Variants in DACH2 observed in about 807,000 individuals in gnomAD.
The protein encoded by DACH2 is dachshund family transcription factor 2.
DACH2 carries 17 observed loss-of-function variants against 35.8 expected under a neutral mutation model. That is an observed-to-expected ratio of 0.48 (90% CI 0.33 to 0.71). The LOEUF is 0.71. DACH2 is among the 30% of genes least tolerant of loss of function. The pLI is 0.02. For synonymous variants in DACH2, 195 were observed against 177.3 expected, an observed-to-expected ratio of 1.10 and a Z score of -0.79; for missense variants, 469 against 472.7, an observed-to-expected ratio of 0.99 and a Z score of 0.07.
At chrX:86,220,184 A>T (rs997048408) in intron 1 of DACH2, among the ~76,000 whole-genome samples, 1 of 103,568 alleles carries the variant, frequency 9.7e-6, no homozygotes, top group Non-Finnish European at 2.0e-5. Flanking sequence ...AAAAAAAAAA[A>T]AAAAAAATTT....
chrX:86,689,886 G>A (rs1043181588), intron 4 of DACH2, among the ~76,000 whole-genome samples: 2 of 111,485 alleles, frequency 1.8e-5, no homozygotes, highest in Non-Finnish European at 3.8e-5. Context: ...TGCTACTATA[G>A]TATTCCTCTA....
At chrX:86,348,568 C>T (rs776070935) in intron 1 of DACH2, among the ~76,000 whole-genome samples, 6 of 111,037 alleles carry the variant, frequency 5.4e-5, no homozygotes, top group Non-Finnish European at 1.1e-4. Context: ...TTCATATTTG[C>T]TAAATTTGTT....
rs1052926913 is a variant in DACH2, at chrX:86,651,059, G to A, written c.664G>A (p.Glu222Lys). 6.6e-6 allele frequency: 8 copies of A among 1,205,425 alleles called. No individual in the cohort carries two copies. The African/African-American group carries it at 1.4e-4, about 21-fold the overall frequency. The change falls in exon 4 of 12, where the codon GAG becomes AAG. Residue 222 changes from glutamate to lysine, a missense_variant. By Grantham distance (56) the Glu-to-Lys change is moderately conservative (BLOSUM62 1). Transcript: ENST00000373125. Reference protein sequence around the residue: ...PTGITAAAMAEAMKLQKMKLM... With the variant: ...PTGITAAAMAKAMKLQKMKLM... ...AGGTATAACAGCTGCAGCGATGGCT[G>A]AGGCGATGAAACTTCAGAAGATGAA...
At chrX:86,529,946 TACACACAC>T (rs779572561) in intron 3 of DACH2, among the ~76,000 whole-genome samples, 10 of 79,194 alleles carry the variant, frequency 1.3e-4, no homozygotes, top group South Asian at 1.6e-3. Flanking sequence ...CCATTGTACA[TACACACAC>T]ACACACACAC....
At chrX:86,796,110 TAC>T (rs1265195171) in intron 7 of DACH2, among the ~76,000 whole-genome samples, 6 of 111,924 alleles carry the variant, frequency 5.4e-5, no homozygotes, top group Non-Finnish European at 9.4e-5. Context: ...GGGTCCATTT[TAC>T]AGAGTGCTGA....
At chrX:86,802,573 A>G (rs1475492341) in intron 7 of DACH2, among the ~76,000 whole-genome samples, 1 of 105,559 alleles carries the variant, frequency 9.5e-6, no homozygotes, top group Non-Finnish European at 1.9e-5. Context: ...GTCTCCTGGC[A>G]GGGAAGCAAA....
intron 1 of DACH2, among the ~76,000 whole-genome samples, chrX:86,317,649 A>G (rs774793758): frequency 3.5e-4 from 39 of 112,451 alleles, no homozygotes; most frequent in Non-Finnish European, 5.4e-4. Context: ...GATTATTTGC[A>G]TAAAGCACAG....
At chrX:86,330,324 A>C in intron 1 of DACH2, among the ~76,000 whole-genome samples, 1 of 112,185 alleles carries the variant, frequency 8.9e-6, no homozygotes, top group East Asian at 2.8e-4. Context: ...GTTCCAGCTA[A>C]TTGAAATTAA....
At chrX:86,293,393 C>T (rs1337444165) in intron 1 of DACH2, among the ~76,000 whole-genome samples, 3 of 108,273 alleles carry the variant, frequency 2.8e-5, no homozygotes, top group Non-Finnish European at 5.7e-5. Flanking sequence ...CCAGTCAATG[C>T]CTTTTAATTG....
intron 2 of DACH2, among the ~76,000 whole-genome samples, chrX:86,483,203 A>G (rs1377204597): frequency 9.1e-6 from 1 of 110,462 alleles, no homozygotes; most frequent in East Asian, 2.9e-4. Context: ...GTGGGGCAGA[A>G]CAACTGTCCT....
chrX:86,792,132 A>G (rs1029865925), intron 7 of DACH2, among the ~76,000 whole-genome samples: 6 of 111,752 alleles, frequency 5.4e-5, no homozygotes, highest in African/African-American at 1.9e-4. Flanking sequence ...TTTGGCAGGC[A>G]TGTTACATAA....
intron 7 of DACH2, among the ~76,000 whole-genome samples, chrX:86,789,701 G>C (rs1284219911): frequency 8.9e-6 from 1 of 111,755 alleles, no homozygotes; most frequent in Non-Finnish European, 1.9e-5. Flanking sequence ...ATGGCCATGT[G>C]CATAACACTG....
chrX:86,411,709 G>C (rs771490249), intron 2 of DACH2, among the ~76,000 whole-genome samples: 102 of 111,922 alleles, frequency 9.1e-4, no homozygotes, highest in African/African-American at 3.1e-3. Context: ...GCACAAACAT[G>C]TTTTTAGCAA....
At chrX:86,337,997 T>C (rs1200017794) in intron 1 of DACH2, among the ~76,000 whole-genome samples, 1 of 111,861 alleles carries the variant, frequency 8.9e-6, no homozygotes, top group African/African-American at 3.2e-5. Context: ...GGTTAAGGGA[T>C]TAATGCAACA....
intron 2 of DACH2, among the ~76,000 whole-genome samples, chrX:86,492,362 C>T (rs1206987139): frequency 1.8e-5 from 2 of 111,801 alleles, no homozygotes; most frequent in East Asian, 5.6e-4. Context: ...AACACAATTA[C>T]CTCTAAAACC....
At chrX:86,167,548 C>A (rs1255982040) in intron 1 of DACH2, among the ~76,000 whole-genome samples, 3 of 110,027 alleles carry the variant, frequency 2.7e-5, no homozygotes, top group Admixed American at 1.9e-4. Flanking sequence ...AATTTTATTT[C>A]TTTCCCAATT....
intron 4 of DACH2, among the ~76,000 whole-genome samples, chrX:86,692,976 A>G (rs992417771): frequency 4.5e-5 from 5 of 112,276 alleles, no homozygotes; most frequent in African/African-American, 1.6e-4. Flanking sequence ...TTACAGTATA[A>G]CAATGTCTTA....
intron 3 of DACH2, among the ~76,000 whole-genome samples, chrX:86,628,841 T>G (rs762791255): frequency 2.8e-4 from 31 of 111,766 alleles, no homozygotes; most frequent in African/African-American, 1.0e-3. Context: ...GAAGTGATCT[T>G]TAGGAAGCCA....
intron 5 of DACH2, among the ~76,000 whole-genome samples, chrX:86,698,792 T>C (rs2041104984): frequency 9.1e-6 from 1 of 109,835 alleles, no homozygotes; most frequent in African/African-American, 3.3e-5. Flanking sequence ...TGTCTTGGCC[T>C]CCCAGAGTGC....
Sources: allele counts gnomAD v4.1 joint callset (sites outside exome capture counted in the v4.1 genomes callset), GRCh38; gene constraint gnomAD v4.1.1; transcripts MANE v1.5; gene names NCBI Gene and HGNC (gene_info 2026-07-23, HGNC 2026-07-21).